The following HBS1L variants were observed in gnomAD, a reference collection of about 807,000 sequenced individuals.
The protein encoded by HBS1L is HBS1 like translational GTPase.
A neutral mutation model predicts 88.9 loss-of-function variants in HBS1L; 55 were observed. The ratio of observed to expected loss-of-function variants is 0.62; its 90% CI spans 0.50 to 0.77. The LOEUF (loss-of-function observed/expected upper bound fraction) is 0.77. Among genes scored for constraint, HBS1L ranks in the 30% least tolerant of loss-of-function variants. The pLI, the probability that HBS1L is intolerant of heterozygous loss-of-function variation, is 0.00. For synonymous variants in HBS1L, 267 were observed against 288.5 expected (o/e 0.93, Z 0.76); for missense variants, 741 against 829.3 (o/e 0.89, Z 1.31).
chr6:135,005,668 T>C (rs988133761), intron 4 of HBS1L, among the ~76,000 whole-genome samples: 1 of 152,182 alleles, frequency 6.6e-6, no homozygotes, highest in African/African-American at 2.4e-5. Flanking sequence ...GAAGGTTTAG[T>C]TGAATAAATT....
At chr6:134,982,606 T>G (rs750885605) in intron 12 of HBS1L, 44 bp from the exon 13 acceptor site, 1 of 1,095,340 alleles carries the variant, frequency 9.1e-7, no homozygotes, top group Non-Finnish European at 1.4e-6. Flanking sequence ...AGCAATGTTA[T>G]CTGATGATTA....
In HBS1L at chr6:134,986,145, A is replaced by T. The variant is rs1391885632; in HGVS notation, c.1344T>A (p.Ser448Arg). 1 of 1,595,152 alleles carries T rather than the reference A, an allele frequency of 6.3e-7. No homozygotes were observed. Among genetic ancestry groups the T allele is most frequent in the East Asian group, 2.2e-5 (1 of 44,702 alleles). ...DVGFIPTSGL[S>R]GENLITRSQS... ...GAGATCTTGTGATTAGATTTTCACCACTGAGACCACTTGTAGGAATAAAAC... is the reference window on the plus strand; with the variant it reads ...GAGATCTTGTGATTAGATTTTCACCTCTGAGACCACTTGTAGGAATAAAAC... The change falls in exon 11 of 18, where the codon AGT (serine) becomes AGA (arginine). Residue 448 changes from serine to arginine, a missense_variant. Physicochemically the swap from Ser to Arg is moderately radical, Grantham distance 110. Transcript: ENST00000367837.
chr6:135,046,495 C>T (rs991054181), intron 2 of HBS1L, among the ~76,000 whole-genome samples: 1 of 152,116 alleles, frequency 6.6e-6, no homozygotes, highest in Admixed American at 6.5e-5. Flanking sequence ...TTTGCTACCC[C>T]CTACTCTTTG....
rs1249684888 is a variant in HBS1L, at chr6:134,961,577, G to A, written c.*3702C>T. On this transcript the variant is annotated 3_prime_UTR_variant, in exon 18 of 18. Transcript: ENST00000367837. ...CAACCTCTTCTTGTGGCTAACATGG[G>A]TGACTGTTGCTTCTTTCCTTTCCTC... 6.6e-6 allele frequency: 1 copy of A among 152,108 alleles called. No homozygotes were observed. Among genetic ancestry groups the A allele is most frequent in the Non-Finnish European group, 1.5e-5 (1 of 68,014 alleles). The allele number at this position is 152,108 out of a possible 1,614,324, so 9.4% of individuals were successfully genotyped here.
intron 4 of HBS1L, among the ~76,000 whole-genome samples, chr6:135,032,480 T>C (rs1410256710): frequency 6.6e-6 from 1 of 152,144 alleles, no homozygotes; most frequent in African/African-American, 2.4e-5. Flanking sequence ...AGTCCACATT[T>C]ATATATAATC....
In HBS1L at chr6:134,964,671, C is replaced by T. The variant is rs1463748453; in HGVS notation, c.*608G>A. 1.3e-4 allele frequency: 20 copies of T among 152,338 alleles called. No homozygotes were observed. The highest frequency in any genetic ancestry group is 4.6e-4 in the African/African-American group (19 of 41,418). The allele number at this position is 152,338 out of a possible 1,614,324, so 9.4% of individuals were successfully genotyped here. A position where few individuals can be genotyped will look rare whatever the true frequency, so the allele number is the denominator to read the frequency against. On this transcript the variant is annotated 3_prime_UTR_variant, in exon 18 of 18. Transcript: ENST00000367837. ...GGCATTTTATTAGCTGGCTTTACAA[C>T]TTAAATAATATCTTGGCTTTCAAAG... is the stretch of plus-strand genomic sequence containing the variant.
At chr6:135,054,557 A>G (rs1489365798) in intron 1 of HBS1L, 92 bp downstream of exon 1, 1 of 1,449,234 alleles carries the variant, frequency 6.9e-7, no homozygotes, top group Non-Finnish European at 9.6e-7. Context: ...GGCAACACTG[A>G]CGAGAAACTC....
intron 4 of HBS1L, chr6:135,037,520 C>A (rs753587667): frequency 1.3e-6 from 2 of 1,550,254 alleles, no homozygotes; most frequent in Non-Finnish European, 1.7e-6. Context: ...CTGTCCTGTA[C>A]TGGAATGTTT....
intron 4 of HBS1L, among the ~76,000 whole-genome samples, chr6:135,008,668 AG>A (rs1330750383): frequency 6.6e-6 from 1 of 152,116 alleles, no homozygotes; most frequent in African/African-American, 2.4e-5. Context: ...AAGGATGCAA[AG>A]GTAGATCTCT....
At chr6:134,982,636 G>C (rs1440398520) in intron 12 of HBS1L, 74 bp from the exon 13 acceptor site, 2 of 737,028 alleles carry the variant, frequency 2.7e-6, no homozygotes, top group Admixed American at 4.9e-5. Context: ...ACTATACTTA[G>C]TTCTCAAGTA....
chr6:135,031,995 C>T (rs867527633), intron 4 of HBS1L, among the ~76,000 whole-genome samples: 6 of 151,860 alleles, frequency 4.0e-5, no homozygotes, highest in Middle Eastern at 3.4e-3. Flanking sequence ...CTTGCACTGT[C>T]ATCTCTGCAA....
intron 12 of HBS1L, among the ~76,000 whole-genome samples, chr6:134,984,243 T>C (rs1029009546): frequency 2.0e-5 from 3 of 152,166 alleles, no homozygotes; most frequent in Non-Finnish European, 2.9e-5. Context: ...ATAATGATAA[T>C]GATAAATTTT....
intron 4 of HBS1L, among the ~76,000 whole-genome samples, chr6:135,027,987 G>A (rs1041920251): frequency 2.6e-5 from 4 of 152,048 alleles, no homozygotes; most frequent in Middle Eastern, 3.4e-3. Context: ...GGCTGGTCTT[G>A]AACTCCTGAG....
intron 4 of HBS1L, among the ~76,000 whole-genome samples, chr6:135,019,079 A>G (rs1306683054): frequency 1.3e-5 from 2 of 151,974 alleles, no homozygotes; most frequent in Non-Finnish European, 2.9e-5. Context: ...GACTTAATAT[A>G]TGCTATAATG....
At chr6:135,000,512 A>G (rs896674677) in intron 5 of HBS1L, among the ~76,000 whole-genome samples, 2 of 152,244 alleles carry the variant, frequency 1.3e-5, no homozygotes, top group South Asian at 2.1e-4. Context: ...GGTTAAAAGA[A>G]TATTTCTTCT....
At chr6:134,975,109 C>G (rs1446988266) in intron 15 of HBS1L, among the ~76,000 whole-genome samples, 1 of 152,044 alleles carries the variant, frequency 6.6e-6, no homozygotes, top group Non-Finnish European at 1.5e-5. Flanking sequence ...GCACCAACAA[C>G]GATCAAGCTG....
At chr6:134,983,639 C>CCATGAGAATGGTA in intron 12 of HBS1L, 1 of 152,142 alleles carries the variant, frequency 6.6e-6, no homozygotes, top group Non-Finnish European at 1.5e-5. Flanking sequence ...AAAGAACACT[C>CCATGAGAATGGTA]TCCCAGGAGA....
chr6:135,007,482 ATATAT>A (rs1775646201), intron 4 of HBS1L, among the ~76,000 whole-genome samples: 1 of 152,200 alleles, frequency 6.6e-6, no homozygotes. Flanking sequence ...TATTTTGGAA[ATATAT>A]TAATTTAAAT....
intron 1 of HBS1L, 62 bp from the exon 2 acceptor site, chr6:135,050,709 G>A: frequency 9.7e-7 from 1 of 1,029,482 alleles, no homozygotes; most frequent in Non-Finnish European, 1.5e-6. Context: ...TTAGTTACTA[G>A]TGAGGAAGCA....
Sources: allele counts gnomAD v4.1 joint callset (sites outside exome capture counted in the v4.1 genomes callset), GRCh38; gene constraint gnomAD v4.1.1; transcripts MANE v1.5; gene names NCBI Gene and HGNC (gene_info 2026-07-23, HGNC 2026-07-21).